Variants in NLGN1 observed in about 807,000 individuals in gnomAD.
NLGN1 encodes neuroligin 1.
A neutral mutation model predicts 65.5 loss-of-function variants in NLGN1; 12 were observed. The observed-to-expected ratio is 0.18, with a 90% CI of 0.12 to 0.30. NLGN1 has a LOEUF of 0.30. Ranked by LOEUF, NLGN1 falls within the 10% of genes least tolerant of loss-of-function variation. The pLI, the probability that NLGN1 is intolerant of heterozygous loss-of-function variation, is 1.00. For synonymous variants in NLGN1, 350 were observed against 359.5 expected (o/e 0.97, Z 0.30); for missense variants, 750 against 1,007.1 (o/e 0.74, Z 3.46).
At chr3:173,423,684 C>T (rs1055165879) in intron 1 of NLGN1, among the ~76,000 whole-genome samples, 1 of 139,674 alleles carries the variant, frequency 7.2e-6, no homozygotes, top group Non-Finnish European at 1.5e-5. Flanking sequence ...CAGCCTTGGT[C>T]AGCCCTGTTC....
chr3:173,639,061 G>T (rs12107901), intron 3 of NLGN1, among the ~76,000 whole-genome samples: 2,207 of 152,246 alleles, frequency 0.014, 63 homozygotes, highest in African/African-American at 0.05. Context: ...GGGTGAGGAA[G>T]TTGTACTGTT....
chr3:173,892,959 T>C (rs2152134897), intron 4 of NLGN1, among the ~76,000 whole-genome samples: 1 of 152,300 alleles, frequency 6.6e-6, no homozygotes. Context: ...CTAAAATTAA[T>C]CTGTATTATA....
chr3:174,081,597 GTTTT>G (rs58453866), intron 4 of NLGN1, among the ~76,000 whole-genome samples: 10 of 122,036 alleles, frequency 8.2e-5, no homozygotes, highest in African/African-American at 1.3e-4. Flanking sequence ...TGATTAGGTT[GTTTT>G]TTTTTTTTTT....
chr3:173,872,817 A>G (rs971137985), intron 4 of NLGN1, among the ~76,000 whole-genome samples: 1 of 152,054 alleles, frequency 6.6e-6, no homozygotes, highest in Non-Finnish European at 1.5e-5. Context: ...TTTATTTTTC[A>G]ACACAAAGGG....
intron 4 of NLGN1, among the ~76,000 whole-genome samples, chr3:174,257,816 T>G (rs992327742): frequency 7.3e-5 from 11 of 151,442 alleles, no homozygotes; most frequent in Non-Finnish European, 1.0e-4. Flanking sequence ...GCATGTGTGA[T>G]GGTTAATACT....
intron 4 of NLGN1, among the ~76,000 whole-genome samples, chr3:174,050,402 T>G (rs1169171476): frequency 2.0e-5 from 3 of 152,116 alleles, no homozygotes; most frequent in Admixed American, 1.3e-4. Flanking sequence ...TGAAACATTT[T>G]TTTTTTCTGT....
At chr3:174,167,166 A>G (rs571073922) in intron 4 of NLGN1, among the ~76,000 whole-genome samples, 13 of 152,238 alleles carry the variant, frequency 8.5e-5, no homozygotes, top group Non-Finnish European at 1.6e-4. Flanking sequence ...TAAGTGGGGC[A>G]TTTAGACCAT....
intron 4 of NLGN1, among the ~76,000 whole-genome samples, chr3:173,901,367 G>GGA (rs1737334636): frequency 6.7e-6 from 1 of 149,338 alleles, no homozygotes; most frequent in East Asian, 2.0e-4. Flanking sequence ...TTTTTTTTGG[G>GGA]GGGGTGTGTG....
chr3:173,443,793 T>C lies in NLGN1; in HGVS notation c.-321+8715T>C, dbSNP rs144076012. ...AACCCATAACCGTTAATATTGAAAA[T>C]TGTAATGCTGTAAAGAACTTGAAGG... On this transcript the variant is annotated intron_variant, in intron 2 of 6. Transcript: ENST00000457714. 1.9e-3 allele frequency among the ~76,000 whole-genome samples: 282 copies of C among 152,276 alleles called. 1 individual carries two copies. Among genetic ancestry groups the C allele is most frequent in the African/African-American group, 6.7e-3 (278 of 41,554 alleles).
chr3:174,123,357 G>A (rs555684939), intron 4 of NLGN1, among the ~76,000 whole-genome samples: 1 of 152,176 alleles, frequency 6.6e-6, no homozygotes, highest in Non-Finnish European at 1.5e-5. Context: ...AAAGATTTCT[G>A]CCTGGGAGTT....
intron 3 of NLGN1, among the ~76,000 whole-genome samples, chr3:173,786,531 C>T (rs749835730): frequency 2.0e-5 from 3 of 151,554 alleles, no homozygotes; most frequent in Non-Finnish European, 4.4e-5. Context: ...GAAGTGAACC[C>T]ATGTATCATA....
chr3:174,013,608 C>T (rs866826226), intron 4 of NLGN1, among the ~76,000 whole-genome samples: 4 of 152,264 alleles, frequency 2.6e-5, no homozygotes, highest in East Asian at 3.9e-4. Flanking sequence ...AGAATCCAAG[C>T]GTATGTGATG....
chr3:173,414,636 G>A (rs566006062), intron 1 of NLGN1, among the ~76,000 whole-genome samples: 19 of 150,966 alleles, frequency 1.3e-4, no homozygotes, highest in Non-Finnish European at 2.5e-4. Flanking sequence ...GACCATTACT[G>A]AGGAAGGGAT....
At chr3:173,637,259 A>T (rs2149571224) in intron 3 of NLGN1, among the ~76,000 whole-genome samples, 1 of 152,250 alleles carries the variant, frequency 6.6e-6, no homozygotes, top group East Asian at 1.9e-4. Flanking sequence ...TTATCATAAA[A>T]TATCTTTGGA....
intron 2 of NLGN1, among the ~76,000 whole-genome samples, chr3:173,460,547 GGTTTTTGTTTGT>G (rs1326610398): frequency 6.6e-6 from 1 of 152,036 alleles, no homozygotes; most frequent in Non-Finnish European, 1.5e-5. Context: ...CTGAAGGTAT[GGTTTTTGTTTGT>G]GTTTTTGTTT....
Position 173,807,979 on chromosome 3 carries a change from A to T in NLGN1, c.646+147A>T. ...CGAGCCCAAATTTTTTATAGTTTCAATGAATTCTATAGGTTGGTTTTAAGA... is the reference window on the plus strand; with the variant it reads ...CGAGCCCAAATTTTTTATAGTTTCATTGAATTCTATAGGTTGGTTTTAAGA... On this transcript the variant is annotated intron_variant, in intron 4 of 6. Coordinates refer to ENST00000457714, the Ensembl canonical transcript of NLGN1. The T allele has an allele frequency of 5.8e-6, 4 of 691,144 alleles. No homozygotes were observed. The South Asian group carries it at 7.0e-5, about 12-fold the overall frequency. 42.8% of individuals were successfully genotyped at this position (691,144 alleles called of 1,614,324 possible). A position where few individuals can be genotyped will look rare whatever the true frequency, so the allele number is the denominator to read the frequency against.
At chr3:173,901,701 T>C (rs1737413193) in intron 4 of NLGN1, among the ~76,000 whole-genome samples, 2 of 152,034 alleles carry the variant, frequency 1.3e-5, no homozygotes, top group Admixed American at 1.3e-4. Flanking sequence ...GGAAACTTTA[T>C]TGGGAAATGA....
At chr3:173,495,635 T>C (rs1342958373) in intron 2 of NLGN1, among the ~76,000 whole-genome samples, 1 of 149,294 alleles carries the variant, frequency 6.7e-6, no homozygotes, top group African/African-American at 2.5e-5. Flanking sequence ...CTTTATCAGG[T>C]TGAAGAAATT....
At chr3:173,587,886 T>C (rs1240846343) in intron 2 of NLGN1, among the ~76,000 whole-genome samples, 1 of 151,596 alleles carries the variant, frequency 6.6e-6, no homozygotes. Flanking sequence ...AGCTAACACA[T>C]TTGCTATAGA....
Sources: gnomAD v4.1 joint callset for allele counts (sites outside exome capture counted in the v4.1 genomes callset) on GRCh38, gnomAD v4.1.1 for gene constraint, MANE v1.5 for transcripts, NCBI Gene and HGNC (gene_info 2026-07-23, HGNC 2026-07-21) for gene names.